The following PCDHA2 variants were observed in gnomAD, a reference collection of about 807,000 sequenced individuals.
PCDHA2 encodes protocadherin alpha-2.
PCDHA2 carries 58 observed loss-of-function variants against 66.0 expected under a neutral mutation model. The ratio of observed to expected loss-of-function variants is 0.88; its 90% confidence interval spans 0.71 to 1.09. PCDHA2 has a LOEUF of 1.09. Among genes scored for constraint, PCDHA2 ranks in the 50% least tolerant of loss-of-function variants. PCDHA2 has a pLI of 0.00. For synonymous variants in PCDHA2, 634 were observed against 554.0 expected (o/e 1.14, Z -2.03); for missense variants, 1,267 against 1,242.3 (o/e 1.02, Z -0.30).
intron 1 of PCDHA2, chr5:140,859,517 T>A (rs1364411363): frequency 5.1e-6 from 1 of 195,368 alleles, no homozygotes; most frequent in Admixed American, 5.8e-5. Flanking sequence ...ATGATTTCAT[T>A]TTTAAAAAAA....
At chr5:140,967,272 T>C in intron 1 of PCDHA2, 2 of 1,613,412 alleles carry the variant, frequency 1.2e-6, no homozygotes, top group Non-Finnish European at 1.7e-6. Flanking sequence ...CGCTTTCACA[T>C]AGAGAGTGCG....
At chr5:140,876,742 G>C (rs1554168860) in intron 1 of PCDHA2, 3 of 1,614,274 alleles carry the variant, frequency 1.9e-6, no homozygotes, top group Admixed American at 3.3e-5. Context: ...CTATGAGCTG[G>C]TGGTGACTGC....
chr5:140,842,413 A>G (rs1206715629), intron 1 of PCDHA2: 5 of 1,613,082 alleles, frequency 3.1e-6, no homozygotes, highest in East Asian at 2.2e-5. Flanking sequence ...AAGACGCTCA[A>G]TTTGGTACTG....
intron 1 of PCDHA2, chr5:140,841,625 T>C (rs1425270500): frequency 1.9e-6 from 3 of 1,614,028 alleles, no homozygotes; most frequent in African/African-American, 1.3e-5. Flanking sequence ...GAGCGCGGAG[T>C]GCAGCATCCA....
rs1389969210 is a variant in PCDHA2, at chr5:140,877,650, G to T, written c.2388+80298G>T. The T allele has an allele frequency of 3.1e-6, 5 of 1,613,390 alleles. No individual in the cohort carries two copies. The African/African-American group carries it at 6.7e-5, about 22-fold the overall frequency. ...ACACTGCGCTGCGTTGCTCAGCGCC[G>T]CCCACCGTGAGCCGGTGCGCGCCGG... On this transcript the variant is annotated intron_variant, in intron 1 of 3. Coordinates refer to ENST00000526136, the MANE Select transcript of PCDHA2 (RefSeq NM_018905.3).
chr5:140,869,481 TAACG>T (rs1306564737), intron 1 of PCDHA2: 1 of 1,613,970 alleles, frequency 6.2e-7, no homozygotes, highest in African/African-American at 1.3e-5. Flanking sequence ...TGAAGGACAT[TAACG>T]ACAACCCGCC....
chr5:140,891,637 G>A (rs1245368138), intron 1 of PCDHA2, among the ~76,000 whole-genome samples: 1 of 151,912 alleles, frequency 6.6e-6, no homozygotes, highest in East Asian at 1.9e-4. Context: ...TGCTCTTTGG[G>A]CTTTATTGTG....
intron 1 of PCDHA2, among the ~76,000 whole-genome samples, chr5:140,827,697 A>C (rs1406690730): frequency 6.6e-6 from 1 of 152,212 alleles, no homozygotes; most frequent in Non-Finnish European, 1.5e-5. Context: ...GGTTGATATT[A>C]ATGTTGCAAA....
intron 1 of PCDHA2, among the ~76,000 whole-genome samples, chr5:140,921,914 TA>T (rs2080487852): frequency 6.6e-6 from 1 of 152,014 alleles, no homozygotes; most frequent in Admixed American, 6.6e-5. Context: ...TATTACATGA[TA>T]AAACTTATAG....
chr5:140,890,043 G>GT (rs1255415089), intron 1 of PCDHA2, among the ~76,000 whole-genome samples: 1 of 152,192 alleles, frequency 6.6e-6, no homozygotes, highest in Non-Finnish European at 1.5e-5. Context: ...ACTGTAGTGT[G>GT]TTGGAGCTGG....
At chr5:141,005,939 C>A (rs1183397075) in intron 3 of PCDHA2, among the ~76,000 whole-genome samples, 2 of 151,786 alleles carry the variant, frequency 1.3e-5, no homozygotes, top group Non-Finnish European at 2.9e-5. Flanking sequence ...AGAGTGAGAA[C>A]CTATCTCTAA....
chr5:140,999,764 T>G (rs1587850651), intron 3 of PCDHA2, among the ~76,000 whole-genome samples: 1 of 152,284 alleles, frequency 6.6e-6, no homozygotes, highest in East Asian at 1.9e-4. Flanking sequence ...CATGATGTCT[T>G]TATACTCTTA....
Position 141,011,434 on chromosome 5 carries a change from C to T in PCDHA2, c.*1497C>T, listed in dbSNP as rs934032017. The T allele has an allele frequency of 6.5e-6, 1 of 153,726 alleles. No homozygotes were observed. Among genetic ancestry groups the T allele is most frequent in the Non-Finnish European group, 1.5e-5 (1 of 68,038 alleles). 9.5% of individuals were successfully genotyped at this position (153,726 alleles called of 1,614,324 possible). ...ATGTGAATGTTAATGCAACTATTAC[C>T]TAGAGTGAACTTTAAGCTTTATTGT... On this transcript the variant is annotated 3_prime_UTR_variant, in exon 4 of 4. Coordinates refer to ENST00000526136, the MANE Select transcript of PCDHA2 (RefSeq NM_018905.3).
chr5:140,885,011 C>T (rs545880418), intron 1 of PCDHA2, among the ~76,000 whole-genome samples: 16 of 152,240 alleles, frequency 1.1e-4, no homozygotes, highest in Admixed American at 5.9e-4. Context: ...TGAGGCTAAT[C>T]GTAATCTTAA....
chr5:140,812,871 CCT>C (rs1765192585), intron 1 of PCDHA2: 1 of 152,106 alleles, frequency 6.6e-6, no homozygotes, highest in African/African-American at 2.4e-5. Context: ...TTTGATTTCC[CCT>C]TTCATTCAAA....
At chr5:140,955,623 T>C (rs2095210763) in intron 1 of PCDHA2, among the ~76,000 whole-genome samples, 1 of 152,208 alleles carries the variant, frequency 6.6e-6, no homozygotes, top group Non-Finnish European at 1.5e-5. Context: ...GGCAGTTCTT[T>C]ATAGCAGTGT....
At chr5:140,870,552 G>T in intron 1 of PCDHA2, 4 of 1,614,042 alleles carry the variant, frequency 2.5e-6, no homozygotes, top group Non-Finnish European at 2.5e-6. Flanking sequence ...ACGCGGACGC[G>T]CAGGAGAACG....
chr5:140,840,665 C>T (rs1298180893), intron 1 of PCDHA2, among the ~76,000 whole-genome samples: 2 of 151,998 alleles, frequency 1.3e-5, no homozygotes, highest in Non-Finnish European at 2.9e-5. Context: ...TATGCACATA[C>T]ATTTTTATTA....
At position 140,927,139 on chromosome 5, in the gene PCDHA2, C is replaced by G. The variant is rs782726149; in HGVS notation, c.2389-51810C>G. 6 of 1,613,928 alleles carry G rather than the reference C, an allele frequency of 3.7e-6. No homozygotes were observed. The Admixed American group carries it at 5.0e-5, about 13-fold the overall frequency. On this transcript the variant is annotated intron_variant, in intron 1 of 3. Coordinates refer to ENST00000526136, the MANE Select transcript of PCDHA2 (RefSeq NM_018905.3). Reference sequence around the variant, plus strand: ...TTTGGTGGTCAGAGAGCCGGCGGACCGCGAACAGCTGTGCAGGGCCAAAGC... The same window carrying G: ...TTTGGTGGTCAGAGAGCCGGCGGACGGCGAACAGCTGTGCAGGGCCAAAGC...
Sources: allele counts gnomAD v4.1 joint callset (sites outside exome capture counted in the v4.1 genomes callset), GRCh38; gene constraint gnomAD v4.1.1; transcripts MANE v1.5; gene names NCBI Gene and HGNC (gene_info 2026-07-23, HGNC 2026-07-21).